The following EIF4G3 variants were observed in gnomAD, a reference collection of about 807,000 sequenced individuals.
EIF4G3 encodes eukaryotic translation initiation factor 4 gamma 3, also known as eIF-4-gamma 3.
A neutral mutation model predicts 186.4 loss-of-function variants in EIF4G3; 34 were observed. The observed-to-expected ratio is 0.18, with a 90% CI of 0.14 to 0.24. The LOEUF is 0.24. Among genes scored for constraint, EIF4G3 ranks in the 10% least tolerant of loss-of-function variants. EIF4G3 has a pLI of 1.00. For synonymous variants in EIF4G3, 673 were observed against 679.5 expected, an observed-to-expected ratio of 0.99 and a Z score of 0.15; for missense variants, 1,536 against 1,948.5, an observed-to-expected ratio of 0.79 and a Z score of 3.99.
In EIF4G3 at chr1:20,807,171, CTTT is replaced by C. The variant is rs887678267; in HGVS notation, c.*145_*147del. On this transcript the variant is annotated 3_prime_UTR_variant, in exon 37 of 37. Transcript: ENST00000602326. ...CAGTACCTTTTTCCTCCATGATCACCTTTTTTTCTCTTTCCCCTCTCCCACTCG... is the reference window on the plus strand; with the variant it reads ...CAGTACCTTTTTCCTCCATGATCACCTTTTCTCTTTCCCCTCTCCCACTCG... The C allele has an allele frequency of 1.6e-6, 1 of 616,058 alleles. No individual in the cohort carries two copies. The highest frequency in any genetic ancestry group is 1.9e-5 in the African/African-American group (1 of 53,740). 38.2% of individuals were successfully genotyped at this position (616,058 alleles called of 1,614,324 possible).
chr1:21,147,409 C>T (rs780901683), intron 2 of EIF4G3, among the ~76,000 whole-genome samples: 16 of 151,684 alleles, frequency 1.1e-4, no homozygotes, highest in Non-Finnish European at 2.1e-4. Context: ...CGCGTGATCT[C>T]GGCTCACTGC....
At chr1:21,117,425 T>C (rs2096844684) in intron 2 of EIF4G3, among the ~76,000 whole-genome samples, 1 of 152,114 alleles carries the variant, frequency 6.6e-6, no homozygotes, top group South Asian at 2.1e-4. Flanking sequence ...TGCTGCAGTG[T>C]GGCACTCAGC....
At chr1:21,097,214 T>C (rs1313509200) in intron 2 of EIF4G3, among the ~76,000 whole-genome samples, 3 of 152,232 alleles carry the variant, frequency 2.0e-5, no homozygotes, top group South Asian at 2.1e-4. Flanking sequence ...TTGTATTTCC[T>C]TTCTGGAGTA....
At position 20,941,719 on chromosome 1, in the gene EIF4G3, C is replaced by T. The variant is rs1558345206; in HGVS notation, c.1435G>A (p.Ala479Thr). ...SFPPTPPTPP[A>T]SPPHTPVIVP... ...ATGACTGGAGTGTGAGGAGGAGAAGCTGGAGGAGTTGGAGGAGTTGGAGGA... is the reference window on the plus strand; with the variant it reads ...ATGACTGGAGTGTGAGGAGGAGAAGTTGGAGGAGTTGGAGGAGTTGGAGGA... The change falls in exon 14 of 37, where the codon GCT becomes ACT. Residue 479 changes from alanine (A) to threonine (T), a missense_variant. This residue lies in a region of EIF4G3 where 560 missense variants were observed against 547.8 expected (regional missense o/e 1.02). Coordinates refer to ENST00000602326, the MANE Select transcript of EIF4G3 (RefSeq NM_001391906.1). 1.2e-6 allele frequency: 2 copies of T among 1,611,320 alleles called. No homozygotes were observed. The highest frequency in any genetic ancestry group is 1.7e-6 in the Non-Finnish European group (2 of 1,178,672).
At chr1:21,125,764 A>T (rs942624652) in intron 2 of EIF4G3, among the ~76,000 whole-genome samples, 1 of 122,488 alleles carries the variant, frequency 8.2e-6, no homozygotes, top group African/African-American at 3.2e-5. Flanking sequence ...ATTTTTTTAT[A>T]TATATATACA....
chr1:20,905,540 C>A (rs1196164161), intron 14 of EIF4G3, among the ~76,000 whole-genome samples: 1 of 152,126 alleles, frequency 6.6e-6, no homozygotes, highest in Non-Finnish European at 1.5e-5. Context: ...GGACTGTTTG[C>A]CTAGCCTTTC....
At chr1:20,948,398 C>T (rs183942500) in intron 13 of EIF4G3, among the ~76,000 whole-genome samples, 20 of 152,266 alleles carry the variant, frequency 1.3e-4, no homozygotes, top group African/African-American at 4.8e-4. Context: ...AAGTTCTTGA[C>T]AGTGCAGTTT....
intron 2 of EIF4G3, among the ~76,000 whole-genome samples, chr1:21,127,623 C>T (rs891750051): frequency 6.6e-6 from 1 of 152,124 alleles, no homozygotes; most frequent in African/African-American, 2.4e-5. Context: ...TTCTGGCTTC[C>T]TAGCAATAAA....
chr1:21,116,570 G>A (rs760485860), intron 2 of EIF4G3, among the ~76,000 whole-genome samples: 1 of 152,094 alleles, frequency 6.6e-6, no homozygotes, highest in Non-Finnish European at 1.5e-5. Context: ...AGGCGCGGCG[G>A]CTCACACCTG....
intron 2 of EIF4G3, among the ~76,000 whole-genome samples, chr1:21,136,982 A>T (rs2097257340): frequency 6.6e-6 from 1 of 152,110 alleles, no homozygotes. Context: ...TCTCACTAAT[A>T]ATTTTTATAT....
At chr1:21,068,324 G>C (rs1326702732) in intron 3 of EIF4G3, among the ~76,000 whole-genome samples, 7 of 134,868 alleles carry the variant, frequency 5.2e-5, no homozygotes, top group Non-Finnish European at 1.1e-4. Context: ...AGCCGAGATC[G>C]TACCACTGCA....
At chr1:21,130,148 A>C (rs549183163) in intron 2 of EIF4G3, among the ~76,000 whole-genome samples, 2 of 151,232 alleles carry the variant, frequency 1.3e-5, no homozygotes, top group East Asian at 3.9e-4. Flanking sequence ...CTTTGGGAGG[A>C]CAAGGCGGGA....
In EIF4G3 at chr1:21,130,764, T is replaced by C. The variant is rs563605523; in HGVS notation, c.-271-41551A>G. On this transcript the variant is annotated intron_variant, in intron 2 of 36. Transcript: ENST00000602326. ...AGAAAAATGAAGACAGTGATTTCTCTGTAATAATGATTAGTATGTTAAAGG... is the reference window on the plus strand; with the variant it reads ...AGAAAAATGAAGACAGTGATTTCTCCGTAATAATGATTAGTATGTTAAAGG... Among the ~76,000 whole-genome samples, 7 of 152,232 alleles carry C rather than the reference T, an allele frequency of 4.6e-5. No individual in the cohort carries two copies. The East Asian group carries it at 1.4e-3, about 29-fold the overall frequency.
chr1:21,011,642 C>T (rs980147554), intron 4 of EIF4G3, among the ~76,000 whole-genome samples: 1 of 152,170 alleles, frequency 6.6e-6, no homozygotes, highest in Admixed American at 6.5e-5. Flanking sequence ...TATTACCCTA[C>T]CCTACCTACC....
intron 4 of EIF4G3, among the ~76,000 whole-genome samples, chr1:21,026,593 AAG>A (rs2092130559): frequency 6.6e-6 from 1 of 152,104 alleles, no homozygotes; most frequent in Admixed American, 6.6e-5. Flanking sequence ...ATATTACACC[AAG>A]AGAGTCAAGA....
At chr1:20,991,159 G>A (rs116420302) in intron 7 of EIF4G3, among the ~76,000 whole-genome samples, 10 of 152,040 alleles carry the variant, frequency 6.6e-5, no homozygotes, top group African/African-American at 1.9e-4. Flanking sequence ...TATATTTCCC[G>A]GCATGTGGTC....
intron 7 of EIF4G3, among the ~76,000 whole-genome samples, chr1:20,996,281 C>T (rs1026951152): frequency 6.6e-6 from 1 of 152,152 alleles, no homozygotes; most frequent in Non-Finnish European, 1.5e-5. Context: ...TATCCAAGAA[C>T]ACTTGGTTAA....
At chr1:21,169,496 C>T (rs1558289411) in intron 2 of EIF4G3, among the ~76,000 whole-genome samples, 1 of 152,068 alleles carries the variant, frequency 6.6e-6, no homozygotes, top group East Asian at 1.9e-4. Flanking sequence ...GGGGTTGTCT[C>T]CACTAATAAG....
intron 3 of EIF4G3, among the ~76,000 whole-genome samples, chr1:21,066,465 G>A (rs2154579502): frequency 6.6e-6 from 1 of 151,800 alleles, no homozygotes; most frequent in East Asian, 1.9e-4. Context: ...AGTTCTTTGG[G>A]ATCTGTAACA....
Sources: gnomAD v4.1 joint callset for allele counts (sites outside exome capture counted in the v4.1 genomes callset) on GRCh38, gnomAD v4.1.1 for gene constraint, gnomAD v4.1.1 regional missense constraint, MANE v1.5 for transcripts, NCBI Gene and HGNC (gene_info 2026-07-23, HGNC 2026-07-21) for gene names.